The following COL19A1 variants were observed in gnomAD, a reference collection of about 807,000 sequenced individuals.
The protein encoded by COL19A1 is collagen alpha-1(XIX) chain.
Under a neutral mutation model 190.2 loss-of-function variants are expected in COL19A1, and 159 were observed. The observed-to-expected ratio is 0.84, with a 90% CI of 0.73 to 0.95. The LOEUF is 0.95. COL19A1 is among the 40% of genes least tolerant of loss of function. COL19A1 has a pLI of 0.00. For synonymous variants in COL19A1, 509 were observed against 458.9 expected, an observed-to-expected ratio of 1.11 and a Z score of -1.39; for missense variants, 1,418 against 1,431.9, an observed-to-expected ratio of 0.99 and a Z score of 0.16.
At chr6:69,899,336 A>G (rs1157948086) in intron 3 of COL19A1, among the ~76,000 whole-genome samples, 5 of 151,914 alleles carry the variant, frequency 3.3e-5, no homozygotes, top group Non-Finnish European at 7.4e-5. Flanking sequence ...TATTTTTGGT[A>G]GAGATGGGGT....
chr6:70,023,810 G>A, intron 12 of COL19A1, 130 bp downstream of exon 12: 1 of 746,406 alleles, frequency 1.3e-6, no homozygotes, highest in African/African-American at 1.8e-5. Flanking sequence ...AAGAATCATG[G>A]TGTTCTTTCA....
chr6:69,968,012 T>C (rs1415296969), intron 11 of COL19A1, among the ~76,000 whole-genome samples: 1 of 152,210 alleles, frequency 6.6e-6, no homozygotes, highest in Non-Finnish European at 1.5e-5. Flanking sequence ...ACATTTGTAT[T>C]TCTTTTATCA....
Position 70,020,997 on chromosome 6 carries a change from T to A in COL19A1, c.1027-2630T>A, listed in dbSNP as rs115986845. 9.2e-3 allele frequency among the ~76,000 whole-genome samples: 1,394 copies of A among 152,262 alleles called. 22 individuals carry two copies. Among genetic ancestry groups the A allele is most frequent in the African/African-American group, 0.029 (1,225 of 41,562 alleles). ...ACCCTGAAGGGCATTTTAAGAGACA[T>A]TGACTCCTACTTTATGGAAATCCAG... On this transcript the variant is annotated intron_variant, in intron 11 of 50. Transcript: ENST00000620364.
intron 16 of COL19A1, among the ~76,000 whole-genome samples, chr6:70,106,616 C>T (rs1783987154): frequency 6.6e-6 from 1 of 152,126 alleles, no homozygotes; most frequent in African/African-American, 2.4e-5. Flanking sequence ...TATTCTTAAT[C>T]AGAGTGCTTG....
intron 36 of COL19A1, among the ~76,000 whole-genome samples, chr6:70,165,531 T>G (rs191284788): frequency 3.9e-5 from 6 of 152,198 alleles, no homozygotes; most frequent in Admixed American, 3.9e-4. Flanking sequence ...TCCCAAAAGA[T>G]GAAGGTGGTA....
At chr6:70,187,986 T>G in intron 46 of COL19A1, 89 bp from the exon 47 acceptor site, 1 of 1,455,504 alleles carries the variant, frequency 6.9e-7, no homozygotes, top group Non-Finnish European at 9.4e-7. Context: ...CAACAGCTAA[T>G]AAGTGCCAGT....
chr6:70,171,042 C>A lies in COL19A1; in HGVS notation c.2569-922C>A, dbSNP rs561683291. Among the ~76,000 whole-genome samples, 3 of 152,244 alleles carry A rather than the reference C, an allele frequency of 2.0e-5. No homozygotes were observed. The East Asian group carries it at 5.8e-4, about 29-fold the overall frequency. On this transcript the variant is annotated intron_variant, in intron 40 of 50. Coordinates refer to ENST00000620364, the MANE Select transcript of COL19A1 (RefSeq NM_001858.6). ...TTTATCTCTTTTTTAACTTAAAGCC[C>A]TAATGCAAGCTTGTCCAACCCATGG...
intron 16 of COL19A1, among the ~76,000 whole-genome samples, chr6:70,116,150 C>T (rs1273951143): frequency 6.6e-6 from 1 of 152,130 alleles, no homozygotes; most frequent in Non-Finnish European, 1.5e-5. Flanking sequence ...CTCTTTTCTA[C>T]TTAACTGGAG....
chr6:69,878,627 G>C (rs1768296180), intron 1 of COL19A1, among the ~76,000 whole-genome samples: 1 of 152,174 alleles, frequency 6.6e-6, no homozygotes, highest in Admixed American at 6.6e-5. Context: ...ATAGAAAACA[G>C]TAGTCTGGTT....
intron 46 of COL19A1, among the ~76,000 whole-genome samples, chr6:70,186,648 A>T (rs1017085209): frequency 5.9e-5 from 9 of 152,156 alleles, no homozygotes; most frequent in African/African-American, 2.2e-4. Flanking sequence ...TGGTGTGAGG[A>T]TCACTTCCTG....
chr6:70,024,585 G>A (rs1237078658), intron 12 of COL19A1, among the ~76,000 whole-genome samples: 5 of 24,086 alleles, frequency 2.1e-4, no homozygotes, highest in South Asian at 5.8e-3. Context: ...AGAAAGTCGT[G>A]TGTGTGTGTG....
chr6:70,160,061 C>T (rs1787699008), intron 34 of COL19A1, among the ~76,000 whole-genome samples: 1 of 152,120 alleles, frequency 6.6e-6, no homozygotes, highest in Admixed American at 6.6e-5. Flanking sequence ...CCAGGAGGGA[C>T]TTCTGGCAAT....
intron 4 of COL19A1, among the ~76,000 whole-genome samples, chr6:69,923,879 T>C (rs1384364042): frequency 6.6e-6 from 1 of 152,182 alleles, no homozygotes; most frequent in East Asian, 1.9e-4. Context: ...GCTGGGATGC[T>C]TTTGGGTAAG....
At chr6:69,922,830 G>A (rs142416929) in intron 4 of COL19A1, among the ~76,000 whole-genome samples, 29 of 152,154 alleles carry the variant, frequency 1.9e-4, no homozygotes, top group African/African-American at 6.7e-4. Flanking sequence ...TCAAAATTCA[G>A]TACATCTCTG....
chr6:70,073,482 G>C (rs1781681527), intron 15 of COL19A1, among the ~76,000 whole-genome samples: 1 of 152,298 alleles, frequency 6.6e-6, no homozygotes, highest in South Asian at 2.1e-4. Context: ...TTATAGAAGG[G>C]AATGTAGGTA....
chr6:69,962,997 A>C, intron 11 of COL19A1, 127 bp downstream of exon 11: 1 of 595,864 alleles, frequency 1.7e-6, no homozygotes, highest in Non-Finnish European at 2.7e-6. Context: ...GACATAACTA[A>C]AACATTTGCT....
rs759274894 is a variant in COL19A1, at chr6:70,121,903, A to G, written c.1302A>G (p.Ile434Met). 29 of 1,591,514 alleles carry G rather than the reference A, an allele frequency of 1.8e-5. No individual in the cohort carries two copies. In the East Asian group the frequency reaches 6.6e-4, roughly 36 times the overall value. The change falls in exon 17 of 51, where the codon ATA becomes ATG. Residue 434 changes from isoleucine to methionine, a missense_variant. Transcript: ENST00000620364. ...GPPGPPGIQG[I>M]HQTLGGYYNK... is the part of the protein sequence containing the mutation. The stretch of plus-strand genomic sequence containing the variant: ...AGGGACCTCCTGGAATACAAGGAAT[A>G]CACCAAACTCTTGGTGGATATTATA...
chr6:69,945,710 T>C (rs1251777785), intron 9 of COL19A1, among the ~76,000 whole-genome samples: 1 of 152,020 alleles, frequency 6.6e-6, no homozygotes, highest in Non-Finnish European at 1.5e-5. Context: ...TATAATCTCA[T>C]GTAATCTACA....
At chr6:69,955,013 A>G (rs570567992) in intron 9 of COL19A1, among the ~76,000 whole-genome samples, 4 of 152,130 alleles carry the variant, frequency 2.6e-5, no homozygotes, top group Non-Finnish European at 5.9e-5. Flanking sequence ...ACTTGTTAGA[A>G]TTCTGTATTC....
Sources: gnomAD v4.1 joint callset for allele counts (sites outside exome capture counted in the v4.1 genomes callset) on GRCh38, gnomAD v4.1.1 for gene constraint, MANE v1.5 for transcripts, NCBI Gene and HGNC (gene_info 2026-07-23, HGNC 2026-07-21) for gene names.